Variants in GPR39 observed in about 807,000 individuals in gnomAD.
GPR39 encodes the protein G protein-coupled receptor 39, also known as zinc sensing receptor.
In GPR39, 23 loss-of-function variants were observed where a neutral mutation model predicts 18.4. The observed-to-expected ratio is 1.25, with a 90% CI of 0.90 to 1.77. The LOEUF (loss-of-function observed/expected upper bound fraction) is 1.77, where lower values mean the gene tolerates loss of function less well. Ranked by LOEUF, GPR39 falls within the 40% of genes most tolerant of loss-of-function variation. The pLI, the probability that GPR39 is intolerant of heterozygous loss-of-function variation, is 0.00. For missense variants in GPR39, 647 were observed against 602.4 expected, an observed-to-expected ratio of 1.07 and a Z score of -0.78; for synonymous variants, 280 against 257.9, an observed-to-expected ratio of 1.09 and a Z score of -0.82.
At chr2:132,471,707 A>T (rs1681036118) in intron 1 of GPR39, among the ~76,000 whole-genome samples, 2 of 148,910 alleles carry the variant, frequency 1.3e-5, no homozygotes, top group Admixed American at 1.3e-4. Context: ...CACTTTCAAT[A>T]GGCTGCTATG....
At chr2:132,644,821 T>G (rs2104884656) in intron 1 of GPR39, 1 of 392,654 alleles carries the variant, frequency 2.5e-6, no homozygotes, top group South Asian at 5.7e-5. Flanking sequence ...AAAACATTTT[T>G]TTAAAATTAA....
intron 1 of GPR39, among the ~76,000 whole-genome samples, chr2:132,510,747 A>G (rs1446527921): frequency 6.6e-6 from 1 of 152,184 alleles, no homozygotes; most frequent in Non-Finnish European, 1.5e-5. Context: ...GATAAAATGG[A>G]TAAGGAACAT....
intron 1 of GPR39, among the ~76,000 whole-genome samples, chr2:132,538,198 C>T (rs982637751): frequency 5.3e-5 from 8 of 152,152 alleles, no homozygotes; most frequent in African/African-American, 1.9e-4. Flanking sequence ...TACCTTTTAT[C>T]TTTGAGGCTG....
intron 1 of GPR39, among the ~76,000 whole-genome samples, chr2:132,642,392 T>C (rs1377592131): frequency 6.6e-6 from 1 of 152,234 alleles, no homozygotes; most frequent in African/African-American, 2.4e-5. Flanking sequence ...AATTTTATCC[T>C]GGCTACAAAC....
At chr2:132,483,973 A>C (rs539480879) in intron 1 of GPR39, among the ~76,000 whole-genome samples, 12 of 152,294 alleles carry the variant, frequency 7.9e-5, no homozygotes, top group African/African-American at 2.9e-4. Flanking sequence ...AAAGTGTAGG[A>C]GTTTTTCTTG....
intron 1 of GPR39, among the ~76,000 whole-genome samples, chr2:132,614,910 C>T (rs942726058): frequency 6.6e-6 from 1 of 152,188 alleles, no homozygotes; most frequent in African/African-American, 2.4e-5. Context: ...TTTTCTTACT[C>T]CAATAATCAA....
chr2:132,646,247 G>C lies in GPR39; in HGVS notation c.*641G>C. 1 of 1,574,640 alleles carries C rather than the reference G, an allele frequency of 6.4e-7. No individual in the cohort carries two copies. Among genetic ancestry groups the C allele is most frequent in the Non-Finnish European group, 8.6e-7 (1 of 1,157,486 alleles). On this transcript the variant is annotated 3_prime_UTR_variant, in exon 2 of 2. Coordinates refer to ENST00000329321, the MANE Select transcript of GPR39 (RefSeq NM_001508.3). ...CCCGGCAGAGGCGATGAGACAGGCC[G>C]CTGATGATGCACAGGACTTGCGGTA... is the stretch of plus-strand genomic sequence containing the variant.
At chr2:132,496,636 G>A (rs1009946503) in intron 1 of GPR39, among the ~76,000 whole-genome samples, 5 of 152,106 alleles carry the variant, frequency 3.3e-5, no homozygotes, top group African/African-American at 9.7e-5. Flanking sequence ...AGTTCTCCTC[G>A]GCTCTGAGTC....
chr2:132,529,766 C>A lies in GPR39; in HGVS notation c.856+111868C>A, dbSNP rs543560469. 1.3e-4 allele frequency among the ~76,000 whole-genome samples: 20 copies of A among 152,290 alleles called. 1 individual carries two copies. The South Asian group carries it at 4.1e-3, about 32-fold the overall frequency. On this transcript the variant is annotated intron_variant, in intron 1 of 1. Coordinates refer to ENST00000329321, the MANE Select transcript of GPR39 (RefSeq NM_001508.3). The stretch of plus-strand genomic sequence containing the variant: ...AGGGTCTGGAGTGGACCTCCAGCAA[C>A]CTCCAACAGACCTGCAGCTGAGGGT...
chr2:132,454,815 A>G (rs1001378771), intron 1 of GPR39, among the ~76,000 whole-genome samples: 1 of 152,220 alleles, frequency 6.6e-6, no homozygotes, highest in Non-Finnish European at 1.5e-5. Flanking sequence ...CCAGCCTTGC[A>G]TCCCAGGGAT....
intron 1 of GPR39, among the ~76,000 whole-genome samples, chr2:132,618,545 G>C (rs1230104043): frequency 6.6e-6 from 1 of 152,158 alleles, no homozygotes; most frequent in South Asian, 2.1e-4. Context: ...GTGAAGAAGA[G>C]TTAAGTACAC....
In GPR39 at chr2:132,527,256, C is replaced by G. The variant is rs375065420; in HGVS notation, c.856+109358C>G. 4.6e-5 allele frequency among the ~76,000 whole-genome samples: 7 copies of G among 152,316 alleles called. No homozygotes were observed. In the East Asian group the frequency reaches 1.4e-3, roughly 29 times the overall value. Reference sequence around the variant, plus strand: ...GCTTCCAGCTTCATCCATGTCCCTGCAAAGGACATGTTCTCATTCTTTTCT... The same window carrying G: ...GCTTCCAGCTTCATCCATGTCCCTGGAAAGGACATGTTCTCATTCTTTTCT... On this transcript the variant is annotated intron_variant, in intron 1 of 1. Coordinates refer to ENST00000329321, the MANE Select transcript of GPR39 (RefSeq NM_001508.3).
chr2:132,459,252 G>A (rs1680790031), intron 1 of GPR39, among the ~76,000 whole-genome samples: 1 of 152,194 alleles, frequency 6.6e-6, no homozygotes, highest in African/African-American at 2.4e-5. Context: ...GTTAAAAAGG[G>A]AAGATTGAAT....
intron 1 of GPR39, among the ~76,000 whole-genome samples, chr2:132,577,825 G>A (rs768093576): frequency 1.3e-5 from 2 of 152,038 alleles, no homozygotes; most frequent in Non-Finnish European, 1.5e-5. Flanking sequence ...TCTGCAAATA[G>A]GGGCAGTTTT....
chr2:132,493,536 C>CAT (rs146388065), intron 1 of GPR39, among the ~76,000 whole-genome samples: 2,382 of 126,000 alleles, frequency 0.019, 104 homozygotes, highest in African/African-American at 0.068. Flanking sequence ...ATACACACAC[C>CAT]ATATATATAT....
At chr2:132,525,683 G>A (rs1366324180) in intron 1 of GPR39, among the ~76,000 whole-genome samples, 1 of 152,232 alleles carries the variant, frequency 6.6e-6, no homozygotes, top group African/African-American at 2.4e-5. Flanking sequence ...CAGACATACA[G>A]CAAGTGCTCA....
intron 1 of GPR39, among the ~76,000 whole-genome samples, chr2:132,569,087 A>G (rs1680399076): frequency 6.6e-6 from 1 of 152,140 alleles, no homozygotes; most frequent in Non-Finnish European, 1.5e-5. Context: ...GGTTCCATTT[A>G]AAGAACTCAG....
intron 1 of GPR39, among the ~76,000 whole-genome samples, chr2:132,494,815 T>C (rs907878920): frequency 2.6e-4 from 39 of 152,312 alleles, no homozygotes; most frequent in African/African-American, 9.1e-4. Flanking sequence ...GTTTTTCTTA[T>C]CCAGAGTGCA....
chr2:132,515,072 C>T (rs972260374), intron 1 of GPR39, among the ~76,000 whole-genome samples: 26 of 152,166 alleles, frequency 1.7e-4, no homozygotes, highest in Middle Eastern at 3.2e-3. Flanking sequence ...TTGTGATGAC[C>T]ATTGTCCCCA....
Sources: gnomAD v4.1 joint callset for allele counts (sites outside exome capture counted in the v4.1 genomes callset) on GRCh38, gnomAD v4.1.1 for gene constraint, MANE v1.5 for transcripts, NCBI Gene and HGNC (gene_info 2026-07-23, HGNC 2026-07-21) for gene names.